ATP5PF: variants seen among roughly 807,000 people sequenced by gnomAD.
ATP5PF encodes ATP synthase peripheral stalk subunit F6, mitochondrial.
A neutral mutation model predicts 12.0 loss-of-function variants in ATP5PF; 7 were observed. The observed-to-expected ratio is 0.58, with a 90% CI of 0.33 to 1.10. The LOEUF is 1.10. ATP5PF is among the 50% of genes least tolerant of loss of function. The pLI, the probability that ATP5PF is intolerant of heterozygous loss-of-function variation, is 0.03. For synonymous variants in ATP5PF, 41 were observed against 45.4 expected (o/e 0.90, Z 0.39); for missense variants, 120 against 127.7 (o/e 0.94, Z 0.29).
chr21:25,735,329 T>G, upstream of ATP5PF: 1 of 250,094 alleles, frequency 4.0e-6, no homozygotes, highest in Non-Finnish European at 7.9e-6. Flanking sequence ...TGAGCCTCCG[T>G]TGCCTTGGGC....
chr21:25,733,814 C>G (rs1431349253), intron 1 of ATP5PF, among the ~76,000 whole-genome samples: 1 of 152,208 alleles, frequency 6.6e-6, no homozygotes, highest in South Asian at 2.1e-4. Context: ...TTAAGCTGCA[C>G]GTATTCTCAC....
intron 1 of ATP5PF, 129 bp from the exon 2 acceptor site, chr21:25,729,930 CCA>C (rs2034716269): frequency 5.7e-6 from 6 of 1,049,208 alleles, no homozygotes; most frequent in African/African-American, 1.6e-5. Flanking sequence ...CTATACCTGA[CCA>C]CAGTTCCCTT....
chr21:25,734,990 G>C, upstream of ATP5PF: 4 of 1,554,136 alleles, frequency 2.6e-6, no homozygotes, highest in East Asian at 2.4e-5. Context: ...GACGCTCACC[G>C]GACAGGAAGC....
chr21:25,732,346 T>C (rs1467626408), intron 1 of ATP5PF, among the ~76,000 whole-genome samples: 1 of 152,022 alleles, frequency 6.6e-6, no homozygotes, highest in Admixed American at 6.6e-5. Flanking sequence ...GTAAAAATTA[T>C]CAAAAGAAAT....
At chr21:25,729,428 G>GT (rs1442227297) in intron 2 of ATP5PF, among the ~76,000 whole-genome samples, 1 of 151,956 alleles carries the variant, frequency 6.6e-6, no homozygotes, top group Non-Finnish European at 1.5e-5. Context: ...ATTTTCCCTT[G>GT]TAACTCATAT....
chr21:25,733,618 C>T (rs1051620400), intron 1 of ATP5PF, among the ~76,000 whole-genome samples: 5 of 152,144 alleles, frequency 3.3e-5, no homozygotes, highest in Admixed American at 6.5e-5. Context: ...TGCCACTTTC[C>T]CTTCTGGCAA....
At chr21:25,725,602 G>C (rs1315802097) in intron 2 of ATP5PF, among the ~76,000 whole-genome samples, 1 of 152,036 alleles carries the variant, frequency 6.6e-6, no homozygotes, top group Non-Finnish European at 1.5e-5. Context: ...ACCATGCCCA[G>C]CTAATTTTTG....
upstream of ATP5PF, chr21:25,735,056 A>C: frequency 8.0e-7 from 1 of 1,256,270 alleles, no homozygotes; most frequent in Middle Eastern, 1.8e-4. Flanking sequence ...GCCAAACAGG[A>C]GGAGGAAGTG....
intron 1 of ATP5PF, among the ~76,000 whole-genome samples, chr21:25,730,525 G>C (rs906191936): frequency 2.8e-4 from 42 of 152,022 alleles, no homozygotes; most frequent in African/African-American, 9.6e-4. Flanking sequence ...CCTGAGGTTG[G>C]GAATTTGAGA....
intron 1 of ATP5PF, chr21:25,734,355 C>G: frequency 2.0e-6 from 2 of 986,642 alleles, no homozygotes; most frequent in Non-Finnish European, 2.4e-6. Flanking sequence ...AGTAGGTTCG[C>G]TGCCTCTTCA....
Position 25,724,542 on chromosome 21 carries a change from AC to A in ATP5PF, c.*97del. 1 of 1,322,600 alleles carries A rather than the reference AC, an allele frequency of 7.6e-7. No homozygotes were observed. Among genetic ancestry groups the A allele is most frequent in the South Asian group, 1.3e-5 (1 of 78,800 alleles). The allele number at this position is 1,322,600 out of a possible 1,614,324, so 81.9% of individuals were successfully genotyped here. ...TTTATTTGGACTCAGAATTAAAAGA[AC>A]ATTTGACAGTTATGAAATGCATGTT... On this transcript the variant is annotated 3_prime_UTR_variant, in exon 4 of 4. Transcript: ENST00000284971.
At chr21:25,725,599 C>A (rs533295783) in intron 2 of ATP5PF, among the ~76,000 whole-genome samples, 115 of 152,178 alleles carry the variant, frequency 7.6e-4, no homozygotes, top group African/African-American at 2.7e-3. Context: ...GCCACCATGC[C>A]CAGCTAATTT....
intron 1 of ATP5PF, chr21:25,734,403 TGAA>T (rs2034926301): frequency 3.0e-6 from 3 of 992,720 alleles, no homozygotes; most frequent in Non-Finnish European, 3.6e-6. Context: ...AGTCGCCTAA[TGAA>T]GTGTTAGCAC....
At chr21:25,730,379 G>A (rs944085100) in intron 1 of ATP5PF, among the ~76,000 whole-genome samples, 8 of 152,110 alleles carry the variant, frequency 5.3e-5, no homozygotes, top group South Asian at 2.1e-4. Context: ...GGGAGGATCC[G>A]GCAGTCCAAC....
At chr21:25,729,918 G>T in intron 1 of ATP5PF, 117 bp from the exon 2 acceptor site, 1 of 1,175,264 alleles carries the variant, frequency 8.5e-7, no homozygotes, top group Non-Finnish European at 1.2e-6. Context: ...TCAGATCTCA[G>T]TCTATACCTG....
intron 1 of ATP5PF, among the ~76,000 whole-genome samples, chr21:25,733,476 G>C (rs1360099585): frequency 6.6e-6 from 1 of 152,066 alleles, no homozygotes; most frequent in Non-Finnish European, 1.5e-5. Flanking sequence ...GGAGTGAGCA[G>C]AGATCGTGCC....
intron 1 of ATP5PF, among the ~76,000 whole-genome samples, chr21:25,732,684 G>A (rs979606338): frequency 1.3e-5 from 2 of 150,756 alleles, no homozygotes; most frequent in Non-Finnish European, 3.0e-5. Context: ...CCTACAATCA[G>A]GCCGGGCGTG....
At chr21:25,728,243 C>G (rs960745024) in intron 2 of ATP5PF, among the ~76,000 whole-genome samples, 5 of 152,138 alleles carry the variant, frequency 3.3e-5, no homozygotes, top group African/African-American at 1.2e-4. Flanking sequence ...AGTAATCTTC[C>G]ATCCCCACAG....
At chr21:25,735,286 G>A, upstream of ATP5PF, 2 of 383,366 alleles carry the variant, frequency 5.2e-6, no homozygotes, top group South Asian at 3.7e-5. Context: ...GTAAAACAAA[G>A]CGGATTGGGG....
Sources: gnomAD v4.1 joint callset for allele counts (sites outside exome capture counted in the v4.1 genomes callset) on GRCh38, gnomAD v4.1.1 for gene constraint, MANE v1.5 for transcripts, NCBI Gene and HGNC (gene_info 2026-07-23, HGNC 2026-07-21) for gene names.